The following B3GAT2 variants were observed in gnomAD, a reference collection of about 807,000 sequenced individuals.
The protein encoded by B3GAT2 is beta-1,3-glucuronyltransferase 2, also known as galactosylgalactosylxylosylprotein 3-beta-glucuronosyltransferase 2.
B3GAT2 carries 26 observed loss-of-function variants against 27.8 expected under a neutral mutation model. The ratio of observed to expected loss-of-function variants is 0.93; its 90% CI spans 0.68 to 1.30. B3GAT2 has a LOEUF of 1.30. B3GAT2 is among the 50% of genes most tolerant of loss of function. The probability of loss-of-function intolerance (pLI) is 0.00; values close to 1 mark genes in which losing one functional copy is unlikely to be tolerated. For missense variants in B3GAT2, 458 were observed against 459.0 expected, an observed-to-expected ratio of 1.00 and a Z score of 0.02; for synonymous variants, 218 against 195.1, an observed-to-expected ratio of 1.12 and a Z score of -0.98.
chr6:70,941,680 T>C (rs550589640), intron 1 of B3GAT2, among the ~76,000 whole-genome samples: 2 of 152,308 alleles, frequency 1.3e-5, no homozygotes, highest in South Asian at 4.2e-4. Flanking sequence ...ATCTTAGACA[T>C]ACAACACAGA....
chr6:70,910,856 A>G (rs771377424), intron 1 of B3GAT2, among the ~76,000 whole-genome samples: 14 of 152,178 alleles, frequency 9.2e-5, no homozygotes, highest in Non-Finnish European at 1.8e-4. Context: ...TAACTTTTTA[A>G]TAATACCCAT....
intron 1 of B3GAT2, among the ~76,000 whole-genome samples, chr6:70,936,334 G>A (rs1440899527): frequency 6.6e-6 from 1 of 151,878 alleles, no homozygotes; most frequent in Non-Finnish European, 1.5e-5. Flanking sequence ...GTGAACATTA[G>A]ACAGATCAAC....
chr6:70,907,451 A>G (rs1014515119), intron 1 of B3GAT2, among the ~76,000 whole-genome samples: 5 of 152,172 alleles, frequency 3.3e-5, no homozygotes, highest in African/African-American at 1.2e-4. Flanking sequence ...CGGTGATGAC[A>G]CCACTGAGTC....
At position 70,956,882 on chromosome 6, in the gene B3GAT2, GA is replaced by G; in HGVS notation, c.-454del. The G allele has an allele frequency of 9.8e-7, 1 of 1,021,354 alleles. No individual in the cohort carries two copies. The highest frequency in any genetic ancestry group is 1.2e-6 in the Non-Finnish European group (1 of 853,722). The allele number at this position is 1,021,354 out of a possible 1,614,324, so 63.3% of individuals were successfully genotyped here. A position where few individuals can be genotyped will look rare whatever the true frequency, so the allele number is the denominator to read the frequency against. ...CGCGGGCCCCCAGGACGCTCTCTGG[GA>G]CGCCTTCGAGGGCGGGCGGCGGCGC... On this transcript the variant is annotated 5_prime_UTR_variant, in exon 1 of 4. Coordinates refer to ENST00000230053, the MANE Select transcript of B3GAT2 (RefSeq NM_080742.3).
At chr6:70,923,044 T>C (rs931359056) in intron 1 of B3GAT2, among the ~76,000 whole-genome samples, 1 of 152,118 alleles carries the variant, frequency 6.6e-6, no homozygotes, top group Non-Finnish European at 1.5e-5. Flanking sequence ...AGTTAAAACA[T>C]ATAAAGGACT....
At chr6:70,885,189 G>A (rs1346882241) in intron 2 of B3GAT2, among the ~76,000 whole-genome samples, 1 of 152,196 alleles carries the variant, frequency 6.6e-6, no homozygotes, top group Non-Finnish European at 1.5e-5. Flanking sequence ...GACTTGATTA[G>A]AAAGCATGAG....
intron 1 of B3GAT2, among the ~76,000 whole-genome samples, chr6:70,921,428 G>A (rs1772868990): frequency 6.6e-6 from 1 of 152,164 alleles, no homozygotes; most frequent in Non-Finnish European, 1.5e-5. Context: ...TGAAATTCTT[G>A]TAGTGAGTTT....
At chr6:70,955,779 C>A in intron 1 of B3GAT2, 60 bp downstream of exon 1, 1 of 1,484,868 alleles carries the variant, frequency 6.7e-7, no homozygotes, top group Non-Finnish European at 9.0e-7. Flanking sequence ...GACTGCAGCC[C>A]GGCCGGCCCG....
chr6:70,911,218 C>T (rs1772684690), intron 1 of B3GAT2, among the ~76,000 whole-genome samples: 2 of 152,048 alleles, frequency 1.3e-5, no homozygotes, highest in African/African-American at 4.8e-5. Context: ...GCATCTTCAT[C>T]ATGAAATCTT....
At chr6:70,882,384 C>T (rs1209711894) in intron 2 of B3GAT2, among the ~76,000 whole-genome samples, 2 of 152,034 alleles carry the variant, frequency 1.3e-5, no homozygotes, top group Admixed American at 6.5e-5. Context: ...GCCTGTAGTC[C>T]CAGCTACTCA....
chr6:70,930,771 T>C (rs1773048914), intron 1 of B3GAT2, among the ~76,000 whole-genome samples: 1 of 152,182 alleles, frequency 6.6e-6, no homozygotes, highest in African/African-American at 2.4e-5. Context: ...TGGAAGACAG[T>C]GTGGTGATTC....
rs1771668233 is a variant in B3GAT2 at position 70,860,443 on chromosome 6, G to C, written c.*1220C>G. On this transcript the variant is annotated 3_prime_UTR_variant, in exon 4 of 4. Transcript: ENST00000230053. ...ATATTTTTTTTCTTTTTACCCATTT[G>C]TTCATATTAAGAATGATCTGATTGA... 7.6e-7 allele frequency: 1 copy of C among 1,314,944 alleles called. No individual in the cohort carries two copies. The highest frequency in any genetic ancestry group is 1.5e-5 in the African/African-American group (1 of 67,198). 81.5% of individuals were successfully genotyped at this position (1,314,944 alleles called of 1,614,324 possible). A position where few individuals can be genotyped will look rare whatever the true frequency, so the allele number is the denominator to read the frequency against.
chr6:70,955,831 G>GC lies in B3GAT2; in HGVS notation c.591+7dup. 6.3e-7 allele frequency: 1 copy of GC among 1,587,604 alleles called. No homozygotes were observed. The highest frequency in any genetic ancestry group is 8.6e-7 in the Non-Finnish European group (1 of 1,168,464). ...CTCGCCCACCCAGCGGGGCAGGCTG[G>GC]CCTTTACCTCCTGGAAGAGCTCCAG... On this transcript the variant is annotated splice_region_variant and intron_variant, in intron 1 of 3. Transcript: ENST00000230053.
intron 2 of B3GAT2, among the ~76,000 whole-genome samples, chr6:70,874,332 T>C (rs568445594): frequency 6.6e-6 from 1 of 152,284 alleles, no homozygotes; most frequent in East Asian, 1.9e-4. Flanking sequence ...AACTAAATAT[T>C]GGACACAGAT....
intron 1 of B3GAT2, among the ~76,000 whole-genome samples, chr6:70,928,150 C>T (rs376402229): frequency 6.6e-6 from 1 of 152,008 alleles, no homozygotes; most frequent in African/African-American, 2.4e-5. Context: ...AACAAAGACA[C>T]AACATACCAG....
At chr6:70,939,258 A>G (rs1322035311) in intron 1 of B3GAT2, among the ~76,000 whole-genome samples, 19 of 118,094 alleles carry the variant, frequency 1.6e-4, no homozygotes, top group Non-Finnish European at 2.6e-4. Context: ...CAGGTGCTGG[A>G]GAGGATGTGG....
At chr6:70,922,319 G>A (rs1267643466) in intron 1 of B3GAT2, among the ~76,000 whole-genome samples, 1 of 152,140 alleles carries the variant, frequency 6.6e-6, no homozygotes, top group Admixed American at 6.6e-5. Flanking sequence ...AATATCTGTA[G>A]GAATATAGAA....
intron 1 of B3GAT2, among the ~76,000 whole-genome samples, chr6:70,951,261 C>A (rs1765574443): frequency 6.6e-6 from 1 of 152,148 alleles, no homozygotes; most frequent in African/African-American, 2.4e-5. Context: ...ATAAATAAGA[C>A]CATTGACTTT....
intron 2 of B3GAT2, among the ~76,000 whole-genome samples, chr6:70,877,549 G>A (rs1200408324): frequency 6.6e-6 from 1 of 152,104 alleles, no homozygotes; most frequent in African/African-American, 2.4e-5. Flanking sequence ...CTCCTTCAAA[G>A]GGGCTTCTAA....
Sources: gnomAD v4.1 joint callset for allele counts (sites outside exome capture counted in the v4.1 genomes callset) on GRCh38, gnomAD v4.1.1 for gene constraint, MANE v1.5 for transcripts, NCBI Gene and HGNC (gene_info 2026-07-23, HGNC 2026-07-21) for gene names.